COL14A1: variants seen among roughly 807,000 people sequenced by gnomAD.
COL14A1 encodes the protein collagen alpha-1(XIV) chain.
In COL14A1, 136 loss-of-function variants were observed where a neutral mutation model predicts 230.3. The ratio of observed to expected loss-of-function variants is 0.59; its 90% CI spans 0.51 to 0.68. The LOEUF (loss-of-function observed/expected upper bound fraction) is 0.68, where lower values mean the gene tolerates loss of function less well. Ranked by LOEUF, COL14A1 falls within the 30% of genes least tolerant of loss-of-function variation. The pLI is 0.00. For missense variants in COL14A1, 1,976 were observed against 2,215.8 expected, an observed-to-expected ratio of 0.89 and a Z score of 2.17; for synonymous variants, 792 against 784.1, an observed-to-expected ratio of 1.01 and a Z score of -0.17.
chr8:120,192,558 C>T (rs1328196977), intron 5 of COL14A1, among the ~76,000 whole-genome samples: 9 of 151,262 alleles, frequency 5.9e-5, no homozygotes, highest in African/African-American at 1.9e-4. Context: ...ATCTTTGTGG[C>T]GTTCTCTGTA....
intron 45 of COL14A1, among the ~76,000 whole-genome samples, chr8:120,363,795 A>T (rs778964425): frequency 8.5e-5 from 13 of 152,218 alleles, no homozygotes; most frequent in African/African-American, 1.7e-4. Flanking sequence ...CGCAGTACCA[A>T]AGGATCGCAG....
intron 19 of COL14A1, among the ~76,000 whole-genome samples, chr8:120,234,900 CT>C (rs1337676710): frequency 1.3e-5 from 2 of 152,166 alleles, no homozygotes; most frequent in African/African-American, 4.8e-5. Context: ...ACCAGCTCCT[CT>C]TTTTACCTTT....
chr8:120,157,051 C>T (rs958588465), intron 2 of COL14A1, among the ~76,000 whole-genome samples: 3 of 152,102 alleles, frequency 2.0e-5, no homozygotes, highest in East Asian at 3.9e-4. Context: ...GTAATAAAAA[C>T]GTTCTTAGCT....
intron 8 of COL14A1, among the ~76,000 whole-genome samples, chr8:120,201,586 T>A (rs1001188056): frequency 3.3e-5 from 5 of 152,110 alleles, no homozygotes; most frequent in African/African-American, 1.2e-4. Flanking sequence ...AAATGTGAAG[T>A]TGGTCCTAGG....
intron 5 of COL14A1, among the ~76,000 whole-genome samples, chr8:120,196,252 A>G (rs1257971130): frequency 6.6e-6 from 1 of 152,238 alleles, no homozygotes; most frequent in Admixed American, 6.5e-5. Flanking sequence ...ATCTTGTTCC[A>G]AAAGCCCTTC....
intron 42 of COL14A1, among the ~76,000 whole-genome samples, chr8:120,334,184 A>G (rs2130226874): frequency 6.6e-6 from 1 of 152,308 alleles, no homozygotes; most frequent in Middle Eastern, 3.4e-3. Flanking sequence ...ACTCATTTTA[A>G]TAAAATTATT....
At chr8:120,246,094 C>T (rs555384460) in intron 20 of COL14A1, among the ~76,000 whole-genome samples, 4 of 152,194 alleles carry the variant, frequency 2.6e-5, no homozygotes, top group South Asian at 4.2e-4. Context: ...ACCTGGGCAC[C>T]GAAGTGTGGA....
chr8:120,178,026 A>C (rs935938095), intron 5 of COL14A1, among the ~76,000 whole-genome samples: 3 of 152,174 alleles, frequency 2.0e-5, no homozygotes, highest in Non-Finnish European at 4.4e-5. Flanking sequence ...CTCACTGTGC[A>C]TGCAGTTATT....
intron 42 of COL14A1, among the ~76,000 whole-genome samples, chr8:120,335,980 G>A (rs1240264552): frequency 6.6e-6 from 1 of 152,174 alleles, no homozygotes; most frequent in Non-Finnish European, 1.5e-5. Flanking sequence ...AAGTAGCTGT[G>A]AAAGCCACAT....
intron 5 of COL14A1, among the ~76,000 whole-genome samples, chr8:120,171,727 T>TTA (rs1816099539): frequency 6.6e-6 from 1 of 152,302 alleles, no homozygotes; most frequent in East Asian, 1.9e-4. Flanking sequence ...GATTTCAGAT[T>TTA]TATATCTTTC....
intron 5 of COL14A1, among the ~76,000 whole-genome samples, chr8:120,180,701 C>CTTTTTTTT (rs34377563): frequency 4.8e-5 from 4 of 83,534 alleles, no homozygotes; most frequent in Admixed American, 1.7e-4. Flanking sequence ...GGTAGGAAGC[C>CTTTTTTTT]TTTTTTTTTT....
intron 1 of COL14A1, among the ~76,000 whole-genome samples, chr8:120,131,324 T>G (rs1016300959): frequency 1.3e-5 from 2 of 152,114 alleles, no homozygotes; most frequent in African/African-American, 4.8e-5. Context: ...CCAATTTACA[T>G]TCCTACCAAC....
chr8:120,149,709 C>T (rs1199854900), intron 2 of COL14A1, among the ~76,000 whole-genome samples: 9 of 137,160 alleles, frequency 6.6e-5, no homozygotes, highest in Admixed American at 2.3e-4. Context: ...TTTTTTGAGA[C>T]GGAGTTTTGC....
intron 5 of COL14A1, among the ~76,000 whole-genome samples, chr8:120,173,713 A>G (rs1262546058): frequency 6.6e-5 from 10 of 151,046 alleles, no homozygotes; most frequent in African/African-American, 1.5e-4. Flanking sequence ...TGCATCTTAT[A>G]TCTATCTTTT....
chr8:120,276,607 A>G (rs1819858609), intron 26 of COL14A1, among the ~76,000 whole-genome samples: 1 of 151,614 alleles, frequency 6.6e-6, no homozygotes, highest in Admixed American at 6.6e-5. Context: ...TGTCCTTGTG[A>G]TAGTTTGCTC....
chr8:120,186,500 A>G (rs1816655651), intron 5 of COL14A1, among the ~76,000 whole-genome samples: 1 of 152,228 alleles, frequency 6.6e-6, no homozygotes, highest in African/African-American at 2.4e-5. Context: ...TTGTGGTGAA[A>G]TCATTGTGAG....
At position 120,278,460 on chromosome 8, in the gene COL14A1, T is replaced by C; in HGVS notation, c.3363T>C (p.Asp1121=). 6 of 1,612,452 alleles carry C rather than the reference T, an allele frequency of 3.7e-6. No homozygotes were observed. Among genetic ancestry groups the C allele is most frequent in the East Asian group, 2.2e-5 (1 of 44,780 alleles). ...KTGKAIKYVR[D]TLFTAESGTR... ...GAAAAGCAATTAAGTATGTTCGAGA[T>C]ACCTTGTTCACTGCAGAGTCAGGTA... Residue 1121 remains aspartate, a synonymous_variant, in exon 28 of 48, where the codon GAT becomes GAC. Transcript: ENST00000297848.
In COL14A1 at chr8:120,372,259, A is replaced by G. The variant is rs987707724; in HGVS notation, c.*1028A>G. On this transcript the variant is annotated 3_prime_UTR_variant, in exon 48 of 48. Coordinates refer to ENST00000297848, the MANE Select transcript of COL14A1 (RefSeq NM_021110.4). The stretch of plus-strand genomic sequence containing the variant: ...ATTAGCGACATTTTATTGTTCATTT[A>G]TAATCTAGCAGGCAGCAAAGACCCT... Among the ~76,000 whole-genome samples the G allele has an allele frequency of 5.9e-5, 9 of 152,206 alleles. No individual in the cohort carries two copies. The highest frequency in any genetic ancestry group is 2.2e-4 in the African/African-American group (9 of 41,450).
chr8:120,142,003 G>T (rs2130435921), intron 1 of COL14A1, among the ~76,000 whole-genome samples: 1 of 152,236 alleles, frequency 6.6e-6, no homozygotes, highest in South Asian at 2.1e-4. Context: ...AAAATTCTAG[G>T]ATTACAGGTG....
Sources: allele counts gnomAD v4.1 joint callset (sites outside exome capture counted in the v4.1 genomes callset), GRCh38; gene constraint gnomAD v4.1.1; transcripts MANE v1.5; gene names NCBI Gene and HGNC (gene_info 2026-07-23, HGNC 2026-07-21).